ZNF391: variants seen among roughly 807,000 people sequenced by gnomAD.
The protein encoded by ZNF391 is zinc finger protein 391.
For synonymous variants in ZNF391, 126 were observed against 142.1 expected (o/e 0.89, Z 0.80); for missense variants, 375 against 425.5 (o/e 0.88, Z 1.04).
chr6:27,375,121 G>A (rs1761395786), exon 1 of ZNF391: 1 of 152,302 alleles, frequency 6.6e-6, no homozygotes, highest in South Asian at 2.1e-4. Context: ...ACAGGCGAGT[G>A]CCTACCCACC....
chr6:27,382,380 G>A (rs1761523706), intron 1 of ZNF391, among the ~76,000 whole-genome samples: 1 of 152,066 alleles, frequency 6.6e-6, no homozygotes, highest in African/African-American at 2.4e-5. Flanking sequence ...AAATACAGAA[G>A]TTTTTAAAAA....
upstream of ZNF391, among the ~76,000 whole-genome samples, chr6:27,386,734 C>T (rs571890014): frequency 1.3e-5 from 2 of 152,180 alleles, no homozygotes; most frequent in Admixed American, 1.3e-4. Flanking sequence ...GTATTTACAC[C>T]ATCTACAAAA....
intron 1 of ZNF391, 191 bp downstream of exon 1, chr6:27,389,266 G>C (rs905960742): frequency 2.2e-6 from 1 of 456,374 alleles, no homozygotes; most frequent in Non-Finnish European, 4.4e-6. Context: ...CTCTGCGGCA[G>C]TGACAGCCAG....
chr6:27,400,482 T>C lies in ZNF391; in HGVS notation c.112T>C (p.Phe38Leu). 1 of 1,614,176 alleles carries C rather than the reference T, an allele frequency of 6.2e-7. No individual in the cohort carries two copies. Among genetic ancestry groups the C allele is most frequent in the Non-Finnish European group, 8.5e-7 (1 of 1,180,028 alleles). ...TKCPAQKKSS[F>L]ENTVVRKVSV... ...ATGTCCTGCACAGAAGAAATCCTCT[T>C]TTGAGAACACAGTGGTCAGAAAAGT... The change falls in exon 3 of 3, where the codon TTT (phenylalanine) becomes CTT (leucine). Residue 38 changes from phenylalanine (F) to leucine (L), a missense_variant. Physicochemically the swap from Phe to Leu is conservative, Grantham distance 22. Coordinates refer to ENST00000244576, the MANE Select transcript of ZNF391 (RefSeq NM_001076781.3).
In ZNF391 at chr6:27,394,577, C is replaced by A. The variant is rs528622591; in HGVS notation, c.-187-4865C>A. Among the ~76,000 whole-genome samples the A allele has an allele frequency of 7.2e-5, 11 of 152,346 alleles. No individual in the cohort carries two copies. The South Asian group carries it at 2.1e-3, about 29-fold the overall frequency. On this transcript the variant is annotated intron_variant, in intron 1 of 2. Transcript: ENST00000244576. ...CCCCTTTAGAGAACCTCTACTAGGG[C>A]AGTCCAGAGGGGAAATGTGGAGTTG... is the stretch of plus-strand genomic sequence containing the variant.
rs370847367 is a variant in ZNF391, at chr6:27,400,412, T to G, written c.42T>G (p.Asn14Lys). ...GGAATACTGCTCAGGGTCCTACAAA[T>G]GAAGAAGACTATAAAAACGAAGGCC... Reference protein sequence around the residue: ...LRGNTAQGPTNEEDYKNEGQL... With the variant: ...LRGNTAQGPTKEEDYKNEGQL... Residue 14 changes from asparagine to lysine, a missense_variant, in exon 3 of 3, where the codon AAT becomes AAG. Transcript: ENST00000244576. The G allele has an allele frequency of 1.7e-5, 28 of 1,613,096 alleles. No homozygotes were observed. Among genetic ancestry groups the G allele is most frequent in the Non-Finnish European group, 2.3e-5 (27 of 1,179,776 alleles).
intron 1 of ZNF391, among the ~76,000 whole-genome samples, chr6:27,391,676 T>C (rs1041287057): frequency 6.6e-6 from 1 of 152,214 alleles, no homozygotes; most frequent in African/African-American, 2.4e-5. Context: ...CTTCCCTCTT[T>C]TCTGAACGTG....
chr6:27,389,134 G>A (rs1761643392), intron 1 of ZNF391, 59 bp downstream of exon 1: 1 of 456,570 alleles, frequency 2.2e-6, no homozygotes, highest in African/African-American at 2.0e-5. Flanking sequence ...GGAAACGGGC[G>A]AAAGGGTCGC....
upstream of ZNF391, among the ~76,000 whole-genome samples, chr6:27,386,555 G>T (rs1761585012): frequency 6.6e-6 from 1 of 152,000 alleles, no homozygotes; most frequent in Non-Finnish European, 1.5e-5. Context: ...ATAAGAATAG[G>T]AATATAGACC....
intron 1 of ZNF391, among the ~76,000 whole-genome samples, chr6:27,382,107 A>C (rs1761519212): frequency 6.6e-6 from 1 of 151,402 alleles, no homozygotes; most frequent in Non-Finnish European, 1.5e-5. Context: ...CAAGGCAAGC[A>C]GATCACCTGA....
At chr6:27,383,991 T>C (rs921594130), upstream of ZNF391, among the ~76,000 whole-genome samples, 3 of 152,118 alleles carry the variant, frequency 2.0e-5, no homozygotes, top group African/African-American at 7.2e-5. Flanking sequence ...AAACCACCTA[T>C]TAGAATTCTA....
rs536187243 is a variant in ZNF391, at chr6:27,401,622, C to CTCCCTTCT, written c.*181_*188dup. ...TCCATCTATCCTTCTTTCGTCTCCCCTCCCTTCTTCCCTCCTTCCCTCCTT... is the reference window on the plus strand; with the variant it reads ...TCCATCTATCCTTCTTTCGTCTCCCCTCCCTTCTTCCCTTCTTCCCTCCTTCCCTCCTT... On this transcript the variant is annotated 3_prime_UTR_variant, in exon 3 of 3. Coordinates refer to ENST00000244576, the MANE Select transcript of ZNF391 (RefSeq NM_001076781.3). 1.1e-4 allele frequency: 51 copies of CTCCCTTCT among 468,396 alleles called. 1 individual carries two copies. The South Asian group carries it at 2.7e-3, about 25-fold the overall frequency. 29.0% of individuals were successfully genotyped at this position (468,396 alleles called of 1,614,324 possible).
Position 27,394,220 on chromosome 6 carries a change from G to A in ZNF391, c.-188+5145G>A, listed in dbSNP as rs113911261. Among the ~76,000 whole-genome samples the A allele has an allele frequency of 3.3e-5, 5 of 152,342 alleles. 1 individual carries two copies. The highest frequency in any genetic ancestry group is 1.2e-4 in the African/African-American group (5 of 41,584). On this transcript the variant is annotated intron_variant, in intron 1 of 2. Coordinates refer to ENST00000244576, the MANE Select transcript of ZNF391 (RefSeq NM_001076781.3). ...TCAAAGGCATTTCAGAAATCTAAGA[G>A]GCGATGCCTCCCATCATAGGCTGAG...
intron 1 of ZNF391, among the ~76,000 whole-genome samples, chr6:27,375,510 CATT>C (rs2046138402): frequency 6.6e-6 from 1 of 152,150 alleles, no homozygotes. Context: ...AACACACAAA[CATT>C]AAACCACTAA....
At chr6:27,399,824 T>G in intron 2 of ZNF391, among the ~76,000 whole-genome samples, 1 of 152,194 alleles carries the variant, frequency 6.6e-6, no homozygotes, top group Non-Finnish European at 1.5e-5. Flanking sequence ...TTTCTGAAAT[T>G]TTTATTCTCT....
chr6:27,393,978 T>G (rs75276713), intron 1 of ZNF391, among the ~76,000 whole-genome samples: 11,674 of 152,264 alleles, frequency 0.077, 544 homozygotes, highest in Middle Eastern at 0.18. Context: ...ACAGTCTATC[T>G]GTCCTCAGAT....
chr6:27,400,338 GT>G lies in ZNF391; in HGVS notation c.-30del. 2 of 1,537,282 alleles carry G rather than the reference GT, an allele frequency of 1.3e-6. No homozygotes were observed. The highest frequency in any genetic ancestry group is 2.0e-5 in the Admixed American group (1 of 49,488). ...CCAAAGCATCAACACCAATCAGACT[GT>G]TTCCGAAGAACTAGAGTTTTCTGGG... On this transcript the variant is annotated 5_prime_UTR_variant, in exon 3 of 3. Coordinates refer to ENST00000244576, the MANE Select transcript of ZNF391 (RefSeq NM_001076781.3).
upstream of ZNF391, among the ~76,000 whole-genome samples, chr6:27,384,352 T>C (rs921663886): frequency 2.0e-5 from 3 of 150,732 alleles, no homozygotes; most frequent in African/African-American, 7.3e-5. Context: ...TAATCCCAGC[T>C]ACTCAGGAGG....
At chr6:27,378,723 C>T (rs907751043) in intron 1 of ZNF391, among the ~76,000 whole-genome samples, 1 of 152,098 alleles carries the variant, frequency 6.6e-6, no homozygotes, top group South Asian at 2.1e-4. Flanking sequence ...GTCAATATTC[C>T]TGTATATAAC....
Sources: allele counts gnomAD v4.1 joint callset (sites outside exome capture counted in the v4.1 genomes callset), GRCh38; gene constraint gnomAD v4.1.1; transcripts MANE v1.5; gene names NCBI Gene and HGNC (gene_info 2026-07-23, HGNC 2026-07-21).